NAALAD2: variants seen among roughly 807,000 people sequenced by gnomAD.
NAALAD2 encodes N-acetylated-alpha-linked acidic dipeptidase 2.
Under a neutral mutation model 95.6 loss-of-function variants are expected in NAALAD2, and 89 were observed. The ratio of observed to expected loss-of-function variants is 0.93; its 90% confidence interval spans 0.78 to 1.11. NAALAD2 has a LOEUF of 1.11. NAALAD2 is among the 50% of genes least tolerant of loss of function. The pLI is 0.00. For missense variants in NAALAD2, 894 were observed against 872.4 expected (o/e 1.02, Z -0.31); for synonymous variants, 264 against 294.4 (o/e 0.90, Z 1.06).
chr11:90,152,361 T>C lies in NAALAD2; in HGVS notation c.673T>C (p.Phe225Leu). 1 of 1,613,764 alleles carries C rather than the reference T, an allele frequency of 6.2e-7. No homozygotes were observed. Among genetic ancestry groups the C allele is most frequent in the Non-Finnish European group, 8.5e-7 (1 of 1,179,740 alleles). The change falls in exon 6 of 19, where the codon TTT (phenylalanine) becomes CTT (leucine). Residue 225 changes from phenylalanine to leucine, a missense_variant. By Grantham distance (22) the Phe-to-Leu change is conservative. Coordinates refer to ENST00000534061, the MANE Select transcript of NAALAD2 (RefSeq NM_005467.4). ...CTTGTACTCAGATCCAGCTGACTACTTTGCTCCTGAGGTACAGCCATATCC... is the reference window on the plus strand; with the variant it reads ...CTTGTACTCAGATCCAGCTGACTACCTTGCTCCTGAGGTACAGCCATATCC... ...IILYSDPADY[F>L]APEVQPYPKG...
chr11:90,167,753 CTCTATA>C (rs1319236630), intron 11 of NAALAD2, among the ~76,000 whole-genome samples: 45 of 152,186 alleles, frequency 3.0e-4, no homozygotes, highest in Non-Finnish European at 5.3e-4. Flanking sequence ...CCAATCCACA[CTCTATA>C]TCTAGCTAAT....
intron 11 of NAALAD2, among the ~76,000 whole-genome samples, chr11:90,166,651 T>C (rs542846440): frequency 6.6e-6 from 1 of 151,774 alleles, no homozygotes; most frequent in East Asian, 1.9e-4. Flanking sequence ...CTGGCTAACA[T>C]GGTGAAACCC....
chr11:90,157,823 C>A (rs1357262876), intron 6 of NAALAD2, among the ~76,000 whole-genome samples: 2 of 151,780 alleles, frequency 1.3e-5, no homozygotes, highest in African/African-American at 4.8e-5. Context: ...TGGGTTCAAG[C>A]GATTCTCCCA....
At chr11:90,164,330 C>T (rs1952377548) in intron 11 of NAALAD2, 1 of 152,166 alleles carries the variant, frequency 6.6e-6, no homozygotes, top group Admixed American at 6.6e-5. Context: ...CAAGTAATCT[C>T]TAAGTTCTTA....
chr11:90,162,897 G>GAAAATAGTTTTTTATAATAAAACACTA, intron 8 of NAALAD2, 52 bp from the exon 9 acceptor site: 2 of 1,037,372 alleles, frequency 1.9e-6, no homozygotes, highest in Non-Finnish European at 2.9e-6. Flanking sequence ...ATAAAACACT[G>GAAAATAGTTTTTTATAATAAAACACTA]TAAAAAACAT....
At chr11:90,169,826 C>A (rs569290109) in intron 12 of NAALAD2, 74 of 456,178 alleles carry the variant, frequency 1.6e-4, no homozygotes, top group African/African-American at 1.4e-3. Context: ...CCCTTATAAT[C>A]ACTGTGACAG....
intron 15 of NAALAD2, among the ~76,000 whole-genome samples, chr11:90,177,491 C>T (rs1033200924): frequency 1.3e-5 from 2 of 149,748 alleles, no homozygotes; most frequent in South Asian, 2.1e-4. Flanking sequence ...TTTTTAAAAC[C>T]AGTGAATATT....
chr11:90,137,860 C>G (rs1211838123), intron 2 of NAALAD2, among the ~76,000 whole-genome samples: 1 of 151,884 alleles, frequency 6.6e-6, no homozygotes, highest in African/African-American at 2.4e-5. Flanking sequence ...CCAGGCTGGT[C>G]TCGAACTCAT....
intron 3 of NAALAD2, 45 bp downstream of exon 3, chr11:90,147,561 T>C (rs1951776480): frequency 6.6e-7 from 1 of 1,511,738 alleles, no homozygotes; most frequent in Non-Finnish European, 9.0e-7. Context: ...AATCCGACCG[T>C]TTTATGTGGA....
intron 8 of NAALAD2, among the ~76,000 whole-genome samples, chr11:90,161,535 G>A (rs1952299743): frequency 6.6e-6 from 1 of 152,156 alleles, no homozygotes; most frequent in South Asian, 2.1e-4. Flanking sequence ...CCTCCCTGTG[G>A]AGCCTGCATT....
upstream of NAALAD2, among the ~76,000 whole-genome samples, chr11:90,133,992 C>T (rs149618699): frequency 1.1e-3 from 168 of 152,170 alleles, 1 homozygote; most frequent in African/African-American, 3.3e-3. Flanking sequence ...CTGGCTTCTT[C>T]GGTTTAGCAT....
At chr11:90,138,969 G>A (rs559937589) in intron 2 of NAALAD2, among the ~76,000 whole-genome samples, 25 of 151,614 alleles carry the variant, frequency 1.6e-4, no homozygotes, top group South Asian at 4.2e-4. Context: ...GTTCTCTTCC[G>A]TAGTATTGAC....
chr11:90,166,354 C>T (rs1952446956), intron 11 of NAALAD2, among the ~76,000 whole-genome samples: 1 of 152,018 alleles, frequency 6.6e-6, no homozygotes, highest in Non-Finnish European at 1.5e-5. Flanking sequence ...TTATTTTTGT[C>T]TTAATGTGTG....
intron 4 of NAALAD2, 24 bp from the exon 5 acceptor site, chr11:90,150,458 A>G (rs2134866429): frequency 1.4e-6 from 2 of 1,474,752 alleles, no homozygotes; most frequent in Non-Finnish European, 1.9e-6. Context: ...TAGCAGTATT[A>G]TATATATTTT....
chr11:90,190,767 T>C (rs1195516644), intron 18 of NAALAD2, among the ~76,000 whole-genome samples: 1 of 152,026 alleles, frequency 6.6e-6, no homozygotes, highest in African/African-American at 2.4e-5. Flanking sequence ...TGTTATAGAT[T>C]TGTCATTAAT....
At position 90,152,425 on chromosome 11, in the gene NAALAD2, G is replaced by T. The variant is rs540889664; in HGVS notation, c.737G>T (p.Gly246Val). The change falls in exon 6 of 19, where the codon GGA (glycine) becomes GTA (valine). Residue 246 changes from glycine to valine, a missense_variant. Physicochemically the swap from Gly to Val is moderately radical, Grantham distance 109. Coordinates refer to ENST00000534061, the MANE Select transcript of NAALAD2 (RefSeq NM_005467.4). ...CTTCCTGGAACTGCAGCCCAGAGAG[G>T]AAATGTGTTAAATTTGAATGGTGCT... ...WNLPGTAAQR[G>V]NVLNLNGAGD... 1.2e-4 allele frequency: 188 copies of T among 1,613,844 alleles called. No homozygotes were observed. The South Asian group carries it at 1.9e-3, about 16-fold the overall frequency.
chr11:90,153,649 C>A lies in NAALAD2; in HGVS notation c.796+1165C>A, dbSNP rs560681065. Among the ~76,000 whole-genome samples the A allele has an allele frequency of 1.8e-3, 271 of 152,038 alleles. 2 individuals are homozygous for A. Among genetic ancestry groups the A allele is most frequent in the African/African-American group, 6.0e-3 (249 of 41,522 alleles). ...TATAAATCAATTTGGGGAGAATTGGCAATATTTGGGAGAATTGAATTAACA... is the reference window on the plus strand; with the variant it reads ...TATAAATCAATTTGGGGAGAATTGGAAATATTTGGGAGAATTGAATTAACA... On this transcript the variant is annotated intron_variant, in intron 6 of 18. Transcript: ENST00000534061.
chr11:90,150,286 T>C (rs1378544717), intron 4 of NAALAD2, among the ~76,000 whole-genome samples, 196 bp from the exon 5 acceptor site: 1 of 152,008 alleles, frequency 6.6e-6, no homozygotes, highest in African/African-American at 2.4e-5. Context: ...CTCTTATACA[T>C]TGTCGTTTTT....
chr11:90,153,018 A>G (rs1951930554), intron 6 of NAALAD2, among the ~76,000 whole-genome samples: 1 of 151,404 alleles, frequency 6.6e-6, no homozygotes, highest in Non-Finnish European at 1.5e-5. Flanking sequence ...CACCCTCCCA[A>G]CTCTTCCTTC....
Sources: allele counts gnomAD v4.1 joint callset (sites outside exome capture counted in the v4.1 genomes callset), GRCh38; gene constraint gnomAD v4.1.1; transcripts MANE v1.5; gene names NCBI Gene and HGNC (gene_info 2026-07-23, HGNC 2026-07-21).